Variants in NMNAT2 observed in about 807,000 individuals in gnomAD.
The protein encoded by NMNAT2 is nicotinamide nucleotide adenylyltransferase 2.
A neutral mutation model predicts 41.6 loss-of-function variants in NMNAT2; 11 were observed. The ratio of observed to expected loss-of-function variants is 0.26; its 90% CI spans 0.17 to 0.44. The LOEUF is 0.44. NMNAT2 is among the 20% of genes least tolerant of loss of function. The probability of loss-of-function intolerance (pLI) is 1.00; values close to 1 mark genes in which losing one functional copy is unlikely to be tolerated. For missense variants in NMNAT2, 288 were observed against 407.7 expected (o/e 0.71, Z 2.53); for synonymous variants, 148 against 151.2 (o/e 0.98, Z 0.16).
At chr1:183,415,481 T>C (rs192185683) in intron 1 of NMNAT2, among the ~76,000 whole-genome samples, 3 of 152,136 alleles carry the variant, frequency 2.0e-5, no homozygotes, top group African/African-American at 7.2e-5. Context: ...TTCATGAAAA[T>C]AGAGTGTTCA....
chr1:183,284,257 TG>T (rs1661343399), intron 6 of NMNAT2, among the ~76,000 whole-genome samples: 1 of 152,212 alleles, frequency 6.6e-6, no homozygotes, highest in African/African-American at 2.4e-5. Context: ...TTCACATTGC[TG>T]GGACTTTCAG....
intron 1 of NMNAT2, among the ~76,000 whole-genome samples, chr1:183,413,383 T>G (rs1254072835): frequency 6.6e-6 from 1 of 152,024 alleles, no homozygotes; most frequent in African/African-American, 2.4e-5. Flanking sequence ...CTCCTGTTTT[T>G]GGTCACATTC....
intron 1 of NMNAT2, among the ~76,000 whole-genome samples, chr1:183,298,992 G>A (rs12076412): frequency 0.11 from 16,191 of 152,190 alleles, 950 homozygotes; most frequent in Middle Eastern, 0.14. Context: ...AATCAAATAC[G>A]GGAAACAACC....
intron 7 of NMNAT2, among the ~76,000 whole-genome samples, chr1:183,281,699 A>C (rs914245328): frequency 6.6e-6 from 1 of 152,198 alleles, no homozygotes; most frequent in Non-Finnish European, 1.5e-5. Flanking sequence ...AGGCTAAGGC[A>C]AGTTTCCAGC....
At chr1:183,277,164 G>T (rs1435735503) in intron 8 of NMNAT2, among the ~76,000 whole-genome samples, 1 of 152,118 alleles carries the variant, frequency 6.6e-6, no homozygotes, top group African/African-American at 2.4e-5. Flanking sequence ...GCTCATTTCA[G>T]GGATGGAAAA....
intron 1 of NMNAT2, among the ~76,000 whole-genome samples, chr1:183,314,345 C>T (rs1662194835): frequency 1.3e-5 from 2 of 152,184 alleles, no homozygotes; most frequent in Non-Finnish European, 2.9e-5. Flanking sequence ...CTTCAAAATC[C>T]AACTTGCCAT....
At chr1:183,327,839 C>T (rs1466316072) in intron 1 of NMNAT2, among the ~76,000 whole-genome samples, 1 of 152,036 alleles carries the variant, frequency 6.6e-6, no homozygotes, top group Non-Finnish European at 1.5e-5. Flanking sequence ...CCCCTTTTGC[C>T]CTGGGAAGCT....
intron 1 of NMNAT2, among the ~76,000 whole-genome samples, chr1:183,362,716 T>C (rs1429761197): frequency 6.6e-6 from 1 of 152,254 alleles, no homozygotes; most frequent in East Asian, 1.9e-4. Context: ...TGAATAATGC[T>C]GCTGTAAACA....
intron 1 of NMNAT2, among the ~76,000 whole-genome samples, chr1:183,409,131 G>A (rs1467650295): frequency 4.0e-5 from 6 of 151,854 alleles, no homozygotes; most frequent in Non-Finnish European, 8.8e-5. Context: ...GAGACAGGAG[G>A]ATCACTTTAG....
chr1:183,341,683 A>AC (rs1662806875), intron 1 of NMNAT2, among the ~76,000 whole-genome samples: 1 of 75,748 alleles, frequency 1.3e-5, no homozygotes, highest in African/African-American at 4.7e-5. Flanking sequence ...AGAGAAAAAA[A>AC]AAAAGAGAGA....
chr1:183,287,765 G>A (rs1051968636), intron 4 of NMNAT2, among the ~76,000 whole-genome samples: 2 of 152,188 alleles, frequency 1.3e-5, no homozygotes, highest in Non-Finnish European at 2.9e-5. Flanking sequence ...ACTCCTGCAC[G>A]CTACCCTTTC....
intron 1 of NMNAT2, among the ~76,000 whole-genome samples, chr1:183,346,665 C>T (rs1262120960): frequency 3.9e-5 from 6 of 152,154 alleles, no homozygotes; most frequent in Non-Finnish European, 1.5e-5. Context: ...TTGAAACGAC[C>T]AACCTTCTTT....
At chr1:183,313,353 C>T (rs1662169664) in intron 1 of NMNAT2, among the ~76,000 whole-genome samples, 1 of 152,200 alleles carries the variant, frequency 6.6e-6, no homozygotes, top group Admixed American at 6.5e-5. Context: ...TTTGGTCAAC[C>T]AGCTGGACTT....
chr1:183,340,592 G>A (rs1274052625), intron 1 of NMNAT2, among the ~76,000 whole-genome samples: 2 of 152,164 alleles, frequency 1.3e-5, no homozygotes, highest in Non-Finnish European at 2.9e-5. Flanking sequence ...CCAAAGTGCT[G>A]GGATTACAGG....
chr1:183,262,537 A>G (rs1660688478), intron 8 of NMNAT2, among the ~76,000 whole-genome samples: 1 of 152,194 alleles, frequency 6.6e-6, no homozygotes, highest in African/African-American at 2.4e-5. Context: ...TAATCTGTAT[A>G]TTTTACACTA....
intron 1 of NMNAT2, among the ~76,000 whole-genome samples, chr1:183,382,460 C>T (rs888912076): frequency 2.6e-5 from 4 of 152,226 alleles, no homozygotes; most frequent in Admixed American, 2.6e-4. Flanking sequence ...TCCCCCCAGT[C>T]TTAACTCATT....
intron 8 of NMNAT2, among the ~76,000 whole-genome samples, chr1:183,269,283 T>G (rs779849506): frequency 2.6e-5 from 4 of 152,168 alleles, no homozygotes; most frequent in African/African-American, 4.8e-5. Flanking sequence ...TAGGACACAC[T>G]GCGGTTGGAA....
intron 1 of NMNAT2, among the ~76,000 whole-genome samples, chr1:183,386,824 C>T (rs1648263126): frequency 6.6e-6 from 1 of 151,962 alleles, no homozygotes; most frequent in South Asian, 2.1e-4. Context: ...CAAAACTGTT[C>T]TTACATTATA....
At chr1:183,309,192 G>T (rs572346335) in intron 1 of NMNAT2, among the ~76,000 whole-genome samples, 56 of 152,206 alleles carry the variant, frequency 3.7e-4, no homozygotes, top group African/African-American at 1.3e-3. Context: ...TAGAGATAAG[G>T]TCTCAGTATA....
Sources: gnomAD v4.1 joint callset for allele counts (sites outside exome capture counted in the v4.1 genomes callset) on GRCh38, gnomAD v4.1.1 for gene constraint, MANE v1.5 for transcripts, NCBI Gene and HGNC (gene_info 2026-07-23, HGNC 2026-07-21) for gene names.